Variants in TTN observed in about 807,000 individuals in gnomAD.
TTN encodes titin.
In TTN, 1,525 loss-of-function variants were observed where a neutral mutation model predicts 3,223.0. The observed-to-expected ratio is 0.47, with a 90% CI of 0.45 to 0.49. The LOEUF (loss-of-function observed/expected upper bound fraction) is 0.49, where lower values mean the gene tolerates loss of function less well. TTN is among the 20% of genes least tolerant of loss of function. The pLI, the probability that TTN is intolerant of heterozygous loss-of-function variation, is 0.00. For missense variants in TTN, 40,786 were observed against 43,424.0 expected, an observed-to-expected ratio of 0.94 and a Z score of 5.40; for synonymous variants, 14,094 against 15,161.0, an observed-to-expected ratio of 0.93 and a Z score of 5.17.
At chr2:178,729,247 A>T in intron 64 of TTN, 41 bp downstream of exon 64, 1 of 1,557,144 alleles carries the variant, frequency 6.4e-7, no homozygotes, top group Non-Finnish European at 8.7e-7. Flanking sequence ...TAAAAGCGTT[A>T]CAGAATTTTT....
intron 239 of TTN, among the ~76,000 whole-genome samples, chr2:178,629,759 C>T (rs1477985106): frequency 1.3e-5 from 2 of 152,118 alleles, no homozygotes; most frequent in Admixed American, 6.6e-5. Flanking sequence ...AACTAAGACT[C>T]TGATTGGGAG....
chr2:178,758,914 G>C, intron 44 of TTN, 70 bp downstream of exon 44: 2 of 1,435,734 alleles, frequency 1.4e-6, no homozygotes, highest in South Asian at 1.2e-5. Flanking sequence ...GAACTCTTGA[G>C]TAATTGTTAC....
intron 6 of TTN, among the ~76,000 whole-genome samples, chr2:178,796,662 CAT>C (rs1276263702): frequency 1.3e-5 from 2 of 152,248 alleles, no homozygotes; most frequent in African/African-American, 4.8e-5. Flanking sequence ...AGCAAAGAGA[CAT>C]GTGCTTTTAA....
intron 69 of TTN, 63 bp from the exon 70 acceptor site, chr2:178,726,109 A>G: frequency 6.7e-7 from 1 of 1,482,038 alleles, no homozygotes; most frequent in Admixed American, 2.4e-5. Flanking sequence ...AAAATTTTTT[A>G]TTTGTCTTTA....
rs763864462 is a variant in TTN at position 178,544,240 on chromosome 2, T to C, written c.95989A>G (p.Ser31997Gly). Residue 31997 changes from serine (S) to glycine (G), a missense_variant, in exon 345 of 363, where the codon AGC becomes GGC. Coordinates refer to ENST00000589042, the MANE Select transcript of TTN (RefSeq NM_001267550.2). Reference sequence around the variant, plus strand: ...GGCTCAATTTCAGCAATTGATTCGCTGTATTCGCTCATACCCTTCACGTTC... The same window carrying C: ...GGCTCAATTTCAGCAATTGATTCGCCGTATTCGCTCATACCCTTCACGTTC... ...AVNVKGMSEY[S>G]ESIAEIEPVE... is the part of the protein sequence containing the mutation. 10 of 1,613,780 alleles carry C rather than the reference T, an allele frequency of 6.2e-6. No individual in the cohort carries two copies. The Middle Eastern group carries it at 5.0e-4, about 80-fold the overall frequency.
chr2:178,551,850 A>G lies in TTN; in HGVS notation c.91050T>C (p.Tyr30350=). The G allele has an allele frequency of 6.2e-7, 1 of 1,613,906 alleles. No homozygotes were observed. The highest frequency in any genetic ancestry group is 8.5e-7 in the Non-Finnish European group (1 of 1,179,820). Residue 30350 remains tyrosine (Y), a synonymous_variant, in exon 335 of 363, where the codon TAT becomes TAC. Coordinates refer to ENST00000589042, the MANE Select transcript of TTN (RefSeq NM_001267550.2). ...ATCCAGTAACTTCTGAACCACCATCATAAACTGGAGCATCCCAAGTTAGTG... is the reference window on the plus strand; with the variant it reads ...ATCCAGTAACTTCTGAACCACCATCGTAAACTGGAGCATCCCAAGTTAGTG... ...GMSLTWDAPV[Y]DGGSEVTGFH...
chr2:178,611,187 A>G lies in TTN; in HGVS notation c.50942T>C (p.Val16981Ala), dbSNP rs1323997384. Residue 16981 changes from valine to alanine, a missense_variant, in exon 270 of 363, where the codon GTC (valine) becomes GCC (alanine). By Grantham distance (64) the Val-to-Ala change is moderately conservative. Transcript: ENST00000589042. ...KLSIPVPFRAVPVPTVSWHKD... is the reference protein window; with the variant it reads ...KLSIPVPFRAAPVPTVSWHKD... ...ATGCCAACTAACAGTTGGAACTGGG[A>G]CAGCTCTGAAGGGAACAGGAATGCT... 6.2e-7 allele frequency: 1 copy of G among 1,612,654 alleles called. No homozygotes were observed. Among genetic ancestry groups the G allele is most frequent in the African/African-American group, 1.3e-5 (1 of 74,840 alleles).
chr2:178,679,273 G>T, intron 142 of TTN, 66 bp downstream of exon 142: 2 of 1,530,012 alleles, frequency 1.3e-6, no homozygotes, highest in Middle Eastern at 1.7e-4. Context: ...ATCTGCTATG[G>T]CTCACCAAGT....
chr2:178,775,322 G>A (rs768343396), intron 28 of TTN, 34 bp downstream of exon 28: 13 of 1,613,018 alleles, frequency 8.1e-6, no homozygotes, highest in Non-Finnish European at 1.0e-5. Context: ...TGAATACAAA[G>A]ACAGGTCCAT....
Position 178,794,970 on chromosome 2 carries a change from C to T in TTN, c.1197G>A (p.Ser399=), listed in dbSNP as rs573255254. The change falls in exon 7 of 363, where the codon TCG becomes TCA. Residue 399 remains serine (S), a synonymous_variant. Transcript: ENST00000589042. The part of the protein sequence containing the change: ...SGAAGAAASV[S]ASASYAAEAV... ...CCTCTGCTGCGTAGCTAGCACTGGC[C>T]GACACACTGGCGGCAGCACCCGCAG... 12 of 1,606,190 alleles carry T rather than the reference C, an allele frequency of 7.5e-6. No homozygotes were observed. The highest frequency in any genetic ancestry group is 4.0e-5 in the African/African-American group (3 of 75,064).
Position 178,547,880 on chromosome 2 carries a change from C to T in TTN, c.93746G>A (p.Trp31249Ter). ...TTTAAGTCTCATTTCTTCCAGTTTC[C>T]ATGTTACTTTGGGGGCAGGACGACC... ...ISGRPAPKVT[W>*]KLEEMRLKET... Residue 31249 changes from tryptophan to a stop codon, truncating the protein, a stop_gained, in exon 339 of 363, where the codon TGG (tryptophan) becomes TAG (stop). Coordinates refer to ENST00000589042, the MANE Select transcript of TTN (RefSeq NM_001267550.2). LOFTEE classifies it high-confidence loss of function. 1 of 1,613,766 alleles carries T rather than the reference C, an allele frequency of 6.2e-7. No individual in the cohort carries two copies. The highest frequency in any genetic ancestry group is 8.5e-7 in the Non-Finnish European group (1 of 1,179,820).
chr2:178,690,895 C>T (rs139898180), intron 121 of TTN, among the ~76,000 whole-genome samples: 23 of 151,988 alleles, frequency 1.5e-4, no homozygotes, highest in African/African-American at 4.3e-4. Context: ...TTGCTGAAAA[C>T]GAATTAGTGA....
At position 178,673,691 on chromosome 2, in the gene TTN, T is replaced by C; in HGVS notation, c.34728A>G (p.Lys11576=). 1.3e-6 allele frequency: 2 copies of C among 1,590,894 alleles called. No individual in the cohort carries two copies. Among genetic ancestry groups the C allele is most frequent in the Non-Finnish European group, 1.7e-6 (2 of 1,171,244 alleles). ...CAGGAGTAGGTGCTTCAGGTACTGC[T>C]TTCTTAATCACTTCAGGCACTTAAA... The part of the protein sequence containing the change: ...APPRVPEVIK[K]AVPEAPTPVP... The change falls in exon 152 of 363, where the codon AAA becomes AAG. Residue 11576 remains lysine, a synonymous_variant. Transcript: ENST00000589042.
rs755250763 is a variant in TTN at position 178,735,787 on chromosome 2, T to G, written c.14659A>C (p.Lys4887Gln). The G allele has an allele frequency of 6.2e-7, 1 of 1,613,752 alleles. No individual in the cohort carries two copies. Among genetic ancestry groups the G allele is most frequent in the East Asian group, 2.2e-5 (1 of 44,812 alleles). The change falls in exon 50 of 363, where the codon AAG (lysine) becomes CAG (glutamine). Residue 4887 changes from lysine (K) to glutamine (Q), a missense_variant. By Grantham distance (53) the Lys-to-Gln change is moderately conservative. Transcript: ENST00000589042. ...ICQAELIIIDKPHFIKELEPV... is the reference protein window; with the variant it reads ...ICQAELIIIDQPHFIKELEPV... ...TCTAATTCTTTAATGAAATGTGGCTTATCAATGATGATCAACTCTGCTTGG... is the reference window on the plus strand; with the variant it reads ...TCTAATTCTTTAATGAAATGTGGCTGATCAATGATGATCAACTCTGCTTGG...
intron 242 of TTN, among the ~76,000 whole-genome samples, chr2:178,624,029 A>G (rs1350516104): frequency 6.6e-6 from 1 of 151,916 alleles, no homozygotes; most frequent in African/African-American, 2.4e-5. Flanking sequence ...CTGAAATTTC[A>G]TGCTCATTTT....
rs1418163017 is a variant in TTN at position 178,712,785 on chromosome 2, A to G, written c.27240T>C (p.Asp9080=). The change falls in exon 94 of 363, where the codon GAT becomes GAC. Residue 9080 remains aspartate (D), a synonymous_variant. Coordinates refer to ENST00000589042, the MANE Select transcript of TTN (RefSeq NM_001267550.2). The part of the protein sequence containing the change: ...EDSVAELELF[D]VDTSQSGEYT... ...ATTCTCCACTTTGTGATGTATCTAC[A>G]TCGAACAACTCCAGTTCAGCAACTG... 8 of 1,613,824 alleles carry G rather than the reference A, an allele frequency of 5.0e-6. No individual in the cohort carries two copies. The highest frequency in any genetic ancestry group is 2.2e-5 in the South Asian group (2 of 91,076).
At chr2:178,797,647 G>A (rs1427948244) in intron 6 of TTN, among the ~76,000 whole-genome samples, 4 of 152,202 alleles carry the variant, frequency 2.6e-5, no homozygotes, top group Admixed American at 6.5e-5. Flanking sequence ...TTCTAGGCTG[G>A]TGTTGTCTAC....
chr2:178,586,373 T>C, intron 308 of TTN, 132 bp downstream of exon 308: 1 of 1,089,176 alleles, frequency 9.2e-7, no homozygotes, highest in Admixed American at 2.9e-5. Flanking sequence ...ACTCATGTGT[T>C]TGAAAGCCAC....
At position 178,785,849 on chromosome 2, in the gene TTN, T is replaced by C; in HGVS notation, c.2369A>G (p.Gln790Arg). Reference protein sequence around the residue: ...TDQKGMHISSQIKKTTDLTTE... With the variant: ...TDQKGMHISSRIKKTTDLTTE... Reference sequence around the variant, plus strand: ...AAAAATCAGCAGGTATAGACTCACCTGTGATGATATGTGCATTCCCTTTTG... The same window carrying C: ...AAAAATCAGCAGGTATAGACTCACCCGTGATGATATGTGCATTCCCTTTTG... Residue 790 changes from glutamine (Q) to arginine (R), a missense_variant and splice_region_variant, in exon 14 of 363, where the codon CAG becomes CGG. Physicochemically the swap from Gln to Arg is conservative, Grantham distance 43. Transcript: ENST00000589042. 1.2e-6 allele frequency: 2 copies of C among 1,614,144 alleles called. No homozygotes were observed. The highest frequency in any genetic ancestry group is 1.7e-6 in the Non-Finnish European group (2 of 1,179,994).
Sources: gnomAD v4.1 joint callset for allele counts (sites outside exome capture counted in the v4.1 genomes callset) on GRCh38, gnomAD v4.1.1 for gene constraint, MANE v1.5 for transcripts, NCBI Gene and HGNC (gene_info 2026-07-23, HGNC 2026-07-21) for gene names.